NKAIN2: variants seen among roughly 807,000 people sequenced by gnomAD.
NKAIN2 encodes the protein sodium/potassium transporting ATPase interacting 2.
Under a neutral mutation model 32.6 loss-of-function variants are expected in NKAIN2, and 14 were observed. The ratio of observed to expected loss-of-function variants is 0.43; its 90% CI spans 0.28 to 0.67. The LOEUF is 0.67. NKAIN2 is among the 30% of genes least tolerant of loss of function. The pLI is 0.17. For synonymous variants in NKAIN2, 80 were observed against 87.2 expected, an observed-to-expected ratio of 0.92 and a Z score of 0.46; for missense variants, 198 against 258.3, an observed-to-expected ratio of 0.77 and a Z score of 1.60.
At position 124,186,999 on chromosome 6, in the gene NKAIN2, C is replaced by T. The variant is rs114913760; in HGVS notation, c.55-96006C>T. 6.5e-3 allele frequency among the ~76,000 whole-genome samples: 993 copies of T among 152,146 alleles called. 14 individuals carry two copies. Among genetic ancestry groups the T allele is most frequent in the African/African-American group, 0.023 (941 of 41,506 alleles). On this transcript the variant is annotated intron_variant, in intron 1 of 6. Transcript: ENST00000368417. ...TAAAAATTTTTACTTAAACTGAACTCTATATTTGCTGGTGGCATGATGCTT... is the reference window on the plus strand; with the variant it reads ...TAAAAATTTTTACTTAAACTGAACTTTATATTTGCTGGTGGCATGATGCTT...
intron 1 of NKAIN2, among the ~76,000 whole-genome samples, chr6:124,234,929 G>A (rs1272912369): frequency 6.6e-6 from 1 of 152,106 alleles, no homozygotes; most frequent in Non-Finnish European, 1.5e-5. Flanking sequence ...AGTTCCCCTA[G>A]TAGTGCCAAT....
chr6:124,016,696 T>A (rs959074026), intron 1 of NKAIN2, among the ~76,000 whole-genome samples: 1 of 152,172 alleles, frequency 6.6e-6, no homozygotes, highest in East Asian at 1.9e-4. Context: ...TTTATTTTGT[T>A]CCAAGCATAG....
At chr6:124,351,331 C>G (rs188825760) in intron 2 of NKAIN2, among the ~76,000 whole-genome samples, 1 of 151,660 alleles carries the variant, frequency 6.6e-6, no homozygotes, top group African/African-American at 2.4e-5. Flanking sequence ...CATGGTGAAA[C>G]TCTCTCTACA....
At chr6:124,747,081 T>C (rs1380932817) in intron 4 of NKAIN2, among the ~76,000 whole-genome samples, 1 of 151,966 alleles carries the variant, frequency 6.6e-6, no homozygotes. Flanking sequence ...ATCCTGTTTA[T>C]GATACTAAAT....
chr6:124,349,435 G>C (rs975626059), intron 2 of NKAIN2, among the ~76,000 whole-genome samples: 1 of 147,380 alleles, frequency 6.8e-6, no homozygotes, highest in Non-Finnish European at 1.5e-5. Flanking sequence ...TGTGATATTG[G>C]TGAGCTGATA....
intron 1 of NKAIN2, among the ~76,000 whole-genome samples, chr6:124,235,771 G>C (rs1052802672): frequency 2.0e-5 from 3 of 151,676 alleles, no homozygotes; most frequent in African/African-American, 7.3e-5. Flanking sequence ...GCTAGTTTTT[G>C]TATTTTTAGT....
chr6:124,252,131 C>T (rs983161070), intron 1 of NKAIN2, among the ~76,000 whole-genome samples: 3 of 151,954 alleles, frequency 2.0e-5, no homozygotes, highest in South Asian at 2.1e-4. Context: ...TGTGCTCATG[C>T]GTGGTTCACA....
Position 124,621,671 on chromosome 6 carries a change from T to G in NKAIN2, c.274-36515T>G, listed in dbSNP as rs192521196. On this transcript the variant is annotated intron_variant, in intron 3 of 6. Transcript: ENST00000368417. ...CAGGCCTGTCCAATTACAGGGTCCA[T>G]GCACCTTTTAACGCCTCCAAGGAAA... Among the ~76,000 whole-genome samples, 109 of 152,290 alleles carry G rather than the reference T, an allele frequency of 7.2e-4. 1 individual carries two copies. The East Asian group carries it at 0.016, about 22-fold the overall frequency.
intron 4 of NKAIN2, among the ~76,000 whole-genome samples, chr6:124,737,694 T>C (rs1022217312): frequency 1.5e-4 from 23 of 151,970 alleles, no homozygotes; most frequent in African/African-American, 5.1e-4. Flanking sequence ...GTTTGGAACT[T>C]CCTTGAGATT....
At chr6:124,751,162 C>T (rs1298219026) in intron 4 of NKAIN2, among the ~76,000 whole-genome samples, 1 of 151,950 alleles carries the variant, frequency 6.6e-6, no homozygotes, top group Non-Finnish European at 1.5e-5. Flanking sequence ...GAGCAAGGCA[C>T]CTAATGACGT....
chr6:124,120,176 G>A (rs757266972), intron 1 of NKAIN2, among the ~76,000 whole-genome samples: 2 of 152,004 alleles, frequency 1.3e-5, no homozygotes, highest in East Asian at 1.9e-4. Context: ...AACTCATTTT[G>A]ACAAATACAT....
chr6:123,933,276 T>C (rs1053462176), intron 1 of NKAIN2, among the ~76,000 whole-genome samples: 1 of 152,246 alleles, frequency 6.6e-6, no homozygotes, highest in Non-Finnish European at 1.5e-5. Context: ...ATTTAAATTT[T>C]AAATTGTTAA....
chr6:124,283,823 T>A (rs904658727), intron 2 of NKAIN2, among the ~76,000 whole-genome samples: 3 of 152,188 alleles, frequency 2.0e-5, no homozygotes. Context: ...TTTTTCTTTT[T>A]AGTTTCATCA....
chr6:124,336,611 C>T (rs532059777), intron 2 of NKAIN2, among the ~76,000 whole-genome samples: 11 of 150,864 alleles, frequency 7.3e-5, no homozygotes, highest in Middle Eastern at 7.0e-3. Context: ...ATTTAAACCA[C>T]GTGTAATTTA....
At chr6:124,156,566 T>TA (rs1160585150) in intron 1 of NKAIN2, among the ~76,000 whole-genome samples, 1 of 152,014 alleles carries the variant, frequency 6.6e-6, no homozygotes, top group African/African-American at 2.4e-5. Flanking sequence ...ATCTGAAACA[T>TA]AGAGTGGGAG....
intron 3 of NKAIN2, among the ~76,000 whole-genome samples, chr6:124,596,663 GGT>G (rs9321001): frequency 0.026 from 3,709 of 142,536 alleles, 55 homozygotes; most frequent in African/African-American, 0.048. Context: ...TAAACCATAG[GGT>G]GTGTGTGTGT....
At chr6:123,830,448 CCT>C (rs1366476048) in intron 1 of NKAIN2, among the ~76,000 whole-genome samples, 6 of 152,172 alleles carry the variant, frequency 3.9e-5, no homozygotes, top group South Asian at 2.1e-4. Context: ...TAAATTTCCC[CCT>C]GTTTGAGCCT....
chr6:124,015,661 C>T (rs955302491), intron 1 of NKAIN2, among the ~76,000 whole-genome samples: 2 of 152,174 alleles, frequency 1.3e-5, no homozygotes, highest in South Asian at 4.1e-4. Context: ...GCCATAAAAT[C>T]ATTAGCTATG....
At chr6:123,810,869 T>A (rs1773431522) in intron 1 of NKAIN2, among the ~76,000 whole-genome samples, 1 of 152,246 alleles carries the variant, frequency 6.6e-6, no homozygotes, top group African/African-American at 2.4e-5. Context: ...ATGTGTTGAA[T>A]ATGCTTGAAC....
Sources: gnomAD v4.1 joint callset for allele counts (sites outside exome capture counted in the v4.1 genomes callset) on GRCh38, gnomAD v4.1.1 for gene constraint, MANE v1.5 for transcripts, NCBI Gene and HGNC (gene_info 2026-07-23, HGNC 2026-07-21) for gene names.